ATPAF1: variants seen among roughly 807,000 people sequenced by gnomAD.
ATPAF1 encodes the protein homolog of yeast ATP11.
ATPAF1 carries 26 observed loss-of-function variants against 43.9 expected under a neutral mutation model. The observed-to-expected ratio is 0.59, with a 90% CI of 0.43 to 0.82. ATPAF1 has a LOEUF of 0.82. ATPAF1 is among the 40% of genes least tolerant of loss of function. ATPAF1 has a pLI of 0.00. For synonymous variants in ATPAF1, 157 were observed against 168.0 expected, an observed-to-expected ratio of 0.93 and a Z score of 0.50; for missense variants, 366 against 435.0, an observed-to-expected ratio of 0.84 and a Z score of 1.41.
intron 7 of ATPAF1, among the ~76,000 whole-genome samples, 185 bp downstream of exon 7, chr1:46,644,976 A>G (rs1322596436): frequency 6.6e-6 from 1 of 152,210 alleles, no homozygotes; most frequent in East Asian, 1.9e-4. Flanking sequence ...GTCTTTTCCA[A>G]TTTCTAGGTA....
chr1:46,660,617 G>C (rs890934283), intron 2 of ATPAF1, among the ~76,000 whole-genome samples: 2 of 152,064 alleles, frequency 1.3e-5, no homozygotes, highest in African/African-American at 4.8e-5. Context: ...GTTAAAATGA[G>C]AAAAATAAGA....
intron 2 of ATPAF1, among the ~76,000 whole-genome samples, chr1:46,662,751 TAATTAACTC>T (rs1676414464): frequency 6.6e-6 from 1 of 152,244 alleles, no homozygotes; most frequent in Non-Finnish European, 1.5e-5. Context: ...AATCCTGTTC[TAATTAACTC>T]AATTAGTCAT....
chr1:46,658,063 T>C, intron 4 of ATPAF1, 64 bp downstream of exon 4: 1 of 1,480,052 alleles, frequency 6.8e-7, no homozygotes. Context: ...GAAAATGTAC[T>C]TTCAGATTTG....
chr1:46,663,222 G>A (rs1352127707), intron 2 of ATPAF1, among the ~76,000 whole-genome samples: 1 of 152,158 alleles, frequency 6.6e-6, no homozygotes, highest in Non-Finnish European at 1.5e-5. Context: ...TTGCTATTGT[G>A]AATAGTGCCG....
intron 8 of ATPAF1, among the ~76,000 whole-genome samples, chr1:46,637,665 A>G (rs1049732584): frequency 3.3e-5 from 5 of 152,210 alleles, no homozygotes; most frequent in African/African-American, 1.2e-4. Context: ...CTCCATCTCT[A>G]TTCCCTCTGT....
At chr1:46,665,762 ATATG>A (rs1557430243) in intron 1 of ATPAF1, 5 of 1,512,700 alleles carry the variant, frequency 3.3e-6, no homozygotes, top group Non-Finnish European at 4.4e-6. Context: ...GTTCTTGAAA[ATATG>A]TCCCCCCAAC....
chr1:46,664,629 A>G (rs1304908464), intron 2 of ATPAF1: 1 of 152,156 alleles, frequency 6.6e-6, no homozygotes, highest in African/African-American at 2.4e-5. Context: ...ATTCCTCAAC[A>G]TGGGAATGGA....
intron 2 of ATPAF1, among the ~76,000 whole-genome samples, chr1:46,662,451 A>AT (rs34146400): frequency 0.14 from 20,193 of 140,220 alleles, 3,210 homozygotes; most frequent in East Asian, 0.46. Context: ...CCCATCTGTT[A>AT]TTTTTTTTTT....
At chr1:46,638,987 G>A (rs1190144117) in intron 8 of ATPAF1, among the ~76,000 whole-genome samples, 1 of 152,048 alleles carries the variant, frequency 6.6e-6, no homozygotes, top group Non-Finnish European at 1.5e-5. Context: ...TACCACTGCT[G>A]TAGTTCAAGT....
intron 4 of ATPAF1, among the ~76,000 whole-genome samples, chr1:46,655,797 C>T (rs1676260478): frequency 6.6e-6 from 1 of 152,134 alleles, no homozygotes; most frequent in African/African-American, 2.4e-5. Flanking sequence ...ATGCAGTTTC[C>T]CTTGATATTA....
rs186101262 is a variant in ATPAF1, at chr1:46,637,852, T to G, written c.793-1882A>C. 3.7e-4 allele frequency among the ~76,000 whole-genome samples: 56 copies of G among 152,278 alleles called. 1 individual carries two copies. In the East Asian group the frequency reaches 5.2e-3, roughly 14 times the overall value. On this transcript the variant is annotated intron_variant, in intron 8 of 8. Coordinates refer to ENST00000574428, the Ensembl canonical transcript of ATPAF1. ...GCTAGGAAACCAAGGCAGATGAGGTTCAGGGATGGGCTCAAGGTCAAGTGG... is the reference window on the plus strand; with the variant it reads ...GCTAGGAAACCAAGGCAGATGAGGTGCAGGGATGGGCTCAAGGTCAAGTGG...
At chr1:46,643,800 T>TG (rs1675990033) in intron 7 of ATPAF1, among the ~76,000 whole-genome samples, 2 of 151,866 alleles carry the variant, frequency 1.3e-5, no homozygotes, top group Admixed American at 1.3e-4. Flanking sequence ...TCTGGGTTGG[T>TG]GGGGGGTGAA....
chr1:46,655,869 A>C (rs547385049), intron 4 of ATPAF1, among the ~76,000 whole-genome samples: 38 of 152,096 alleles, frequency 2.5e-4, no homozygotes, highest in Admixed American at 3.3e-4. Flanking sequence ...CCTTGCTTTC[A>C]TATTTTATAT....
At chr1:46,665,964 G>T in intron 1 of ATPAF1, 1 of 851,180 alleles carries the variant, frequency 1.2e-6, no homozygotes, top group East Asian at 4.6e-5. Context: ...AGTCCAGGCT[G>T]GGGTGCTGTC....
At chr1:46,635,000 T>C (rs1318201791), downstream of ATPAF1, 1 of 152,666 alleles carries the variant, frequency 6.6e-6, no homozygotes, top group Non-Finnish European at 1.5e-5. Flanking sequence ...TTTCGTATCA[T>C]GTTTAGAGTT....
chr1:46,661,372 G>C (rs1334453138), intron 2 of ATPAF1, among the ~76,000 whole-genome samples: 1 of 152,058 alleles, frequency 6.6e-6, no homozygotes, highest in African/African-American at 2.4e-5. Flanking sequence ...CACTGCACCC[G>C]GTGGTTTTAG....
chr1:46,667,648 AG>A (rs2148829304), intron 1 of ATPAF1, among the ~76,000 whole-genome samples: 1 of 152,186 alleles, frequency 6.6e-6, no homozygotes, highest in South Asian at 2.1e-4. Flanking sequence ...CAAGGCCCTA[AG>A]CTACCACCAG....
intron 2 of ATPAF1, among the ~76,000 whole-genome samples, chr1:46,660,316 T>G (rs1407349163): frequency 6.6e-6 from 1 of 152,148 alleles, no homozygotes. Flanking sequence ...AGGTGTACCA[T>G]GAAAACGAAA....
rs1300625593 is a variant in ATPAF1, at chr1:46,658,605, T to G, written c.426+82A>C. On this transcript the variant is annotated intron_variant, in intron 3 of 8. Coordinates refer to ENST00000574428, the Ensembl canonical transcript of ATPAF1. ...ACACAAAATCACTGAGCCACAGTACTTATGTTCAAATTTGCAGCCTCTTGT... is the reference window on the plus strand; with the variant it reads ...ACACAAAATCACTGAGCCACAGTACGTATGTTCAAATTTGCAGCCTCTTGT... The G allele has an allele frequency of 4.7e-6, 5 of 1,065,756 alleles. No homozygotes were observed. The Admixed American group carries it at 1.2e-4, about 26-fold the overall frequency. 66.0% of individuals were successfully genotyped at this position (1,065,756 alleles called of 1,614,324 possible). A position where few individuals can be genotyped will look rare whatever the true frequency, so the allele number is the denominator to read the frequency against.
Sources: gnomAD v4.1 joint callset for allele counts (sites outside exome capture counted in the v4.1 genomes callset) on GRCh38, gnomAD v4.1.1 for gene constraint, MANE v1.5 for transcripts, NCBI Gene and HGNC (gene_info 2026-07-23, HGNC 2026-07-21) for gene names.